The following KIAA1217 variants were observed in gnomAD, a reference collection of about 807,000 sequenced individuals.
KIAA1217 encodes the protein sickle tail protein homolog.
Under a neutral mutation model 163.9 loss-of-function variants are expected in KIAA1217, and 88 were observed. The observed-to-expected ratio is 0.54, with a 90% confidence interval of 0.45 to 0.64. The LOEUF (loss-of-function observed/expected upper bound fraction) is 0.64. KIAA1217 is among the 30% of genes least tolerant of loss of function. The pLI is 0.00. For synonymous variants in KIAA1217, 903 were observed against 923.1 expected, an observed-to-expected ratio of 0.98 and a Z score of 0.39; for missense variants, 2,372 against 2,475.0, an observed-to-expected ratio of 0.96 and a Z score of 0.88.
At chr10:24,500,484 C>A (rs918103715) in intron 8 of KIAA1217, among the ~76,000 whole-genome samples, 3 of 151,898 alleles carry the variant, frequency 2.0e-5, no homozygotes, top group Non-Finnish European at 4.4e-5. Context: ...ATTGCATTGT[C>A]CTTTTTAGAG....
At chr10:23,761,055 G>T (rs886481280) in intron 1 of KIAA1217, among the ~76,000 whole-genome samples, 16 of 151,926 alleles carry the variant, frequency 1.1e-4, no homozygotes, top group African/African-American at 3.6e-4. Context: ...TTTGAGATTA[G>T]GCTGGGCAAC....
At chr10:23,934,859 C>T (rs575548360) in intron 1 of KIAA1217, among the ~76,000 whole-genome samples, 398 of 151,506 alleles carry the variant, frequency 2.6e-3, no homozygotes, top group African/African-American at 9.4e-3. Flanking sequence ...CCTCGTGATC[C>T]GCCCACCTAG....
chr10:23,715,317 T>C (rs1454544968), intron 1 of KIAA1217, among the ~76,000 whole-genome samples: 1 of 152,196 alleles, frequency 6.6e-6, no homozygotes, highest in Non-Finnish European at 1.5e-5. Context: ...TTCATTTTTA[T>C]CCCTTTGGTG....
intron 2 of KIAA1217, among the ~76,000 whole-genome samples, chr10:24,145,594 G>A (rs999156727): frequency 2.0e-5 from 3 of 152,172 alleles, no homozygotes; most frequent in Admixed American, 6.5e-5. Context: ...ATTGACTCAC[G>A]TGATCACAAG....
intron 2 of KIAA1217, among the ~76,000 whole-genome samples, chr10:24,334,642 C>G (rs1043107851): frequency 6.6e-6 from 1 of 152,166 alleles, no homozygotes; most frequent in Non-Finnish European, 1.5e-5. Flanking sequence ...GCTCACCTAA[C>G]AGTCTTCTTG....
chr10:24,199,632 C>A (rs577216061), intron 2 of KIAA1217, among the ~76,000 whole-genome samples: 2 of 152,276 alleles, frequency 1.3e-5, no homozygotes, highest in Admixed American at 6.5e-5. Flanking sequence ...TATGTGCAAC[C>A]AATGGCAATT....
At chr10:23,794,787 G>A (rs1193386999) in intron 1 of KIAA1217, among the ~76,000 whole-genome samples, 1 of 152,238 alleles carries the variant, frequency 6.6e-6, no homozygotes, top group African/African-American at 2.4e-5. Flanking sequence ...ATTTTAACGT[G>A]TATACGTGTG....
chr10:23,750,467 C>A (rs1264435386), intron 1 of KIAA1217, among the ~76,000 whole-genome samples: 3 of 152,148 alleles, frequency 2.0e-5, no homozygotes, highest in African/African-American at 7.2e-5. Flanking sequence ...TTAACCTCCT[C>A]TTCACAGTTT....
intron 2 of KIAA1217, among the ~76,000 whole-genome samples, chr10:24,195,161 C>T (rs1435251350): frequency 1.3e-5 from 2 of 152,148 alleles, no homozygotes; most frequent in Non-Finnish European, 2.9e-5. Context: ...CCTCTTGCTC[C>T]TTCAGGCCTA....
At chr10:24,181,299 C>T (rs1366793768) in intron 2 of KIAA1217, among the ~76,000 whole-genome samples, 1 of 151,868 alleles carries the variant, frequency 6.6e-6, no homozygotes, top group Non-Finnish European at 1.5e-5. Flanking sequence ...GGAGTTGAGA[C>T]CTAAAGAGAA....
rs111609532 is a variant in KIAA1217, at chr10:24,385,051, A to C, written c.553+3984A>C. On this transcript the variant is annotated intron_variant, in intron 3 of 20. Coordinates refer to ENST00000376454, the MANE Select transcript of KIAA1217 (RefSeq NM_019590.5). ...GGAAAGCCCAGTTCCCGGCCTGTAC[A>C]CTGGCACGTGGTGCCACAGTTTGTC... Among the ~76,000 whole-genome samples, 245 of 152,252 alleles carry C rather than the reference A, an allele frequency of 1.6e-3. 1 individual carries two copies. Among genetic ancestry groups the C allele is most frequent in the African/African-American group, 5.6e-3 (233 of 41,552 alleles).
chr10:23,717,200 G>C (rs781082160), intron 1 of KIAA1217, among the ~76,000 whole-genome samples: 1 of 151,832 alleles, frequency 6.6e-6, no homozygotes, highest in Non-Finnish European at 1.5e-5. Context: ...ATGCTTCCTG[G>C]TATTAAGAAC....
At chr10:24,058,431 A>C (rs1010926173) in intron 2 of KIAA1217, among the ~76,000 whole-genome samples, 5 of 152,180 alleles carry the variant, frequency 3.3e-5, no homozygotes, top group African/African-American at 1.2e-4. Context: ...TCTGTAAAAA[A>C]TTTCATTGGA....
Position 23,848,292 on chromosome 10 carries a change from G to T in KIAA1217, c.-321+153058G>T, listed in dbSNP as rs376210167. ...TGTTAATTTTCTGTCTCATTGATTT[G>T]TCTAATATTGACAGTGGGGGGTGTT... On this transcript the variant is annotated intron_variant, in intron 1 of 18. Transcript: ENST00000376462. Among the ~76,000 whole-genome samples the T allele has an allele frequency of 5.3e-5, 8 of 151,992 alleles. No individual in the cohort carries two copies. The South Asian group carries it at 1.5e-3, about 28-fold the overall frequency.
At chr10:24,495,082 C>CT in intron 7 of KIAA1217, 65 bp from the exon 8 acceptor site, 3 of 1,171,826 alleles carry the variant, frequency 2.6e-6, no homozygotes, top group Non-Finnish European at 3.6e-6. Flanking sequence ...ATGGAATGGG[C>CT]TTTAAAAAAA....
chr10:24,219,821 A>G lies in KIAA1217; in HGVS notation c.266A>G (p.Lys89Arg), dbSNP rs2069332432. 1.2e-6 allele frequency: 2 copies of G among 1,613,880 alleles called. No homozygotes were observed. Among genetic ancestry groups the G allele is most frequent in the African/African-American group, 2.7e-5 (2 of 74,922 alleles). The stretch of plus-strand genomic sequence containing the variant: ...ATGCAAACATCTGAGATGGATCGGA[A>G]GAGAGAAGCGTTCCTAGAACATCTG... The part of the protein sequence containing the change: ...LGMQTSEMDR[K>R]REAFLEHLKQ... Residue 89 changes from lysine to arginine, a missense_variant, in exon 2 of 21, where the codon AAG becomes AGG. Lys to Arg is a conservative substitution (Grantham distance 26). This residue lies in a region of KIAA1217 where 1,431 missense variants were observed against 1,470.3 expected (regional missense o/e 0.97). Coordinates refer to ENST00000376454, the MANE Select transcript of KIAA1217 (RefSeq NM_019590.5).
intron 1 of KIAA1217, among the ~76,000 whole-genome samples, chr10:23,810,330 A>G (rs1411912149): frequency 6.9e-6 from 1 of 145,662 alleles, no homozygotes; most frequent in East Asian, 2.0e-4. Flanking sequence ...CTATATATAC[A>G]CACACTATAT....
intron 2 of KIAA1217, among the ~76,000 whole-genome samples, chr10:24,320,327 A>G (rs2043975476): frequency 1.3e-5 from 2 of 152,204 alleles, no homozygotes; most frequent in Non-Finnish European, 2.9e-5. Context: ...GCTAATCACA[A>G]ATATAACTTG....
At chr10:24,520,639 A>AT (rs1564847996) in intron 11 of KIAA1217, among the ~76,000 whole-genome samples, 2 of 56,628 alleles carry the variant, frequency 3.5e-5, no homozygotes, top group African/African-American at 8.0e-5. Flanking sequence ...AAAAAAAAAA[A>AT]AAAAAAAAAA....
Sources: allele counts gnomAD v4.1 joint callset (sites outside exome capture counted in the v4.1 genomes callset), GRCh38; gene constraint gnomAD v4.1.1; regional missense constraint gnomAD v4.1.1; transcripts MANE v1.5; gene names NCBI Gene and HGNC (gene_info 2026-07-23, HGNC 2026-07-21).